The following PDE8B variants were observed in gnomAD, a reference collection of about 807,000 sequenced individuals.
PDE8B encodes the protein high affinity cAMP-specific and IBMX-insensitive 3',5'-cyclic phosphodiesterase 8B.
A neutral mutation model predicts 101.3 loss-of-function variants in PDE8B; 26 were observed. That is an observed-to-expected ratio of 0.26 (90% CI 0.19 to 0.36). The LOEUF is 0.36. Among genes scored for constraint, PDE8B ranks in the 10% least tolerant of loss-of-function variants. The probability of loss-of-function intolerance (pLI) is 1.00; values close to 1 mark genes in which losing one functional copy is unlikely to be tolerated. For synonymous variants in PDE8B, 424 were observed against 429.3 expected (o/e 0.99, Z 0.15); for missense variants, 810 against 1,163.1 (o/e 0.70, Z 4.42).
chr5:77,253,243 A>ATCTTATTTAAAATTG (rs1758436693), intron 1 of PDE8B, among the ~76,000 whole-genome samples: 1 of 152,220 alleles, frequency 6.6e-6, no homozygotes, highest in Non-Finnish European at 1.5e-5. Flanking sequence ...GTAAATGAGT[A>ATCTTATTTAAAATTG]TAAATTTTAA....
chr5:77,312,598 T>A (rs942510079), intron 2 of PDE8B, among the ~76,000 whole-genome samples: 4 of 152,228 alleles, frequency 2.6e-5, no homozygotes, highest in African/African-American at 7.2e-5. Flanking sequence ...GAGTCACAAC[T>A]GGGTGGGAAT....
chr5:77,227,272 G>T (rs1374343021), intron 1 of PDE8B, among the ~76,000 whole-genome samples: 4 of 152,200 alleles, frequency 2.6e-5, no homozygotes, highest in Middle Eastern at 6.8e-3. Flanking sequence ...GCTTTCTTAT[G>T]TTCAATATAA....
chr5:77,404,600 T>A, intron 11 of PDE8B, 120 bp from the exon 12 acceptor site: 1 of 677,996 alleles, frequency 1.5e-6, no homozygotes, highest in Non-Finnish European at 2.6e-6. Context: ...TTAAAATTAT[T>A]TTATAGTGCT....
intron 11 of PDE8B, among the ~76,000 whole-genome samples, chr5:77,402,962 AT>A (rs1465915863): frequency 2.6e-5 from 4 of 152,112 alleles, no homozygotes; most frequent in Non-Finnish European, 5.9e-5. Context: ...TTGGAATATG[AT>A]CACTTATTGG....
chr5:77,346,869 A>G (rs991805121), intron 7 of PDE8B, among the ~76,000 whole-genome samples: 67 of 152,352 alleles, frequency 4.4e-4, no homozygotes, highest in African/African-American at 1.6e-3. Flanking sequence ...CCTATGTGCT[A>G]TAAATTTTGA....
chr5:77,317,893 C>G (rs1412162124), intron 2 of PDE8B, among the ~76,000 whole-genome samples: 1 of 151,806 alleles, frequency 6.6e-6, no homozygotes, highest in Non-Finnish European at 1.5e-5. Flanking sequence ...CCCGTCTTTA[C>G]TAAAAATACA....
intron 1 of PDE8B, among the ~76,000 whole-genome samples, chr5:77,281,433 G>T (rs576493303): frequency 4.4e-4 from 67 of 152,272 alleles, no homozygotes; most frequent in African/African-American, 1.6e-3. Context: ...AATCTTATGG[G>T]ATAAAACCAA....
intron 10 of PDE8B, among the ~76,000 whole-genome samples, chr5:77,379,752 C>T (rs1787086507): frequency 6.6e-6 from 1 of 152,128 alleles, no homozygotes; most frequent in Admixed American, 6.5e-5. Context: ...TAGAAAAGAT[C>T]TTTGATCTAT....
chr5:77,109,151 C>G, the PDE8B span, among the ~76,000 whole-genome samples: 1 of 152,244 alleles, frequency 6.6e-6, no homozygotes, highest in Non-Finnish European at 1.5e-5. Context: ...TTGCAAAGTT[C>G]TATCAGAAAA....
At chr5:77,362,112 A>C (rs1035411549) in intron 10 of PDE8B, among the ~76,000 whole-genome samples, 2 of 152,214 alleles carry the variant, frequency 1.3e-5, no homozygotes, top group African/African-American at 2.4e-5. Flanking sequence ...TGCTTAACTC[A>C]ACTCTGCCAT....
At chr5:77,327,258 C>T (rs1262142302) in intron 3 of PDE8B, among the ~76,000 whole-genome samples, 1 of 152,184 alleles carries the variant, frequency 6.6e-6, no homozygotes, top group Non-Finnish European at 1.5e-5. Context: ...TAACATGCGT[C>T]CTTGAGCCTC....
intron 1 of PDE8B, among the ~76,000 whole-genome samples, chr5:77,258,124 A>G (rs150073116): frequency 1.9e-3 from 292 of 152,040 alleles, no homozygotes; most frequent in African/African-American, 6.9e-3. Context: ...CCCCGTCTCC[A>G]CTAAAAGTAC....
the PDE8B span, among the ~76,000 whole-genome samples, chr5:77,131,418 C>T: frequency 1.3e-5 from 2 of 152,190 alleles, no homozygotes; most frequent in Non-Finnish European, 2.9e-5. Flanking sequence ...TTTCCAGGAA[C>T]AGGACTAATG....
rs78112971 is a variant in PDE8B, at chr5:77,320,182, T to C, written c.400-5357T>C. Among the ~76,000 whole-genome samples the C allele has an allele frequency of 5.3e-3, 801 of 152,336 alleles. 7 individuals are homozygous for C. Among genetic ancestry groups the C allele is most frequent in the African/African-American group, 0.019 (781 of 41,568 alleles). On this transcript the variant is annotated intron_variant, in intron 2 of 21. Transcript: ENST00000264917. ...AATATAAAAATGCAGATTTCTTGCATGCATATATTGTGTACTGGCTTTCAG... is the reference window on the plus strand; with the variant it reads ...AATATAAAAATGCAGATTTCTTGCACGCATATATTGTGTACTGGCTTTCAG...
At chr5:77,415,909 C>T (rs1184197624) in intron 17 of PDE8B, among the ~76,000 whole-genome samples, 1 of 152,158 alleles carries the variant, frequency 6.6e-6, no homozygotes, top group Admixed American at 6.5e-5. Flanking sequence ...AAACCCTTTC[C>T]TCAGTGTGAT....
chr5:77,338,701 T>C (rs978695439), intron 6 of PDE8B, among the ~76,000 whole-genome samples: 4 of 152,200 alleles, frequency 2.6e-5, no homozygotes, highest in African/African-American at 9.7e-5. Context: ...CTGTTTTTAA[T>C]TGAAGGTTAA....
chr5:77,175,230 C>G, the PDE8B span, among the ~76,000 whole-genome samples: 1 of 152,196 alleles, frequency 6.6e-6, no homozygotes, highest in Non-Finnish European at 1.5e-5. Flanking sequence ...CCTGCCCTAG[C>G]AGTTTCCACC....
chr5:77,378,250 A>T (rs1786682026), intron 10 of PDE8B, among the ~76,000 whole-genome samples: 1 of 151,912 alleles, frequency 6.6e-6, no homozygotes, highest in Non-Finnish European at 1.5e-5. Flanking sequence ...CATGAGCTCA[A>T]GAGATCGAGA....
At chr5:77,184,014 C>G in the PDE8B span, among the ~76,000 whole-genome samples, 53 of 151,660 alleles carry the variant, frequency 3.5e-4, 1 homozygote, top group East Asian at 9.7e-3. Context: ...GTTGTCCAGG[C>G]TGGAGGGGAG....
Sources: gnomAD v4.1 joint callset for allele counts (sites outside exome capture counted in the v4.1 genomes callset) on GRCh38, gnomAD v4.1.1 for gene constraint, MANE v1.5 for transcripts, NCBI Gene and HGNC (gene_info 2026-07-23, HGNC 2026-07-21) for gene names.